ANKFN1: variants seen among roughly 807,000 people sequenced by gnomAD.
The protein encoded by ANKFN1 is ankyrin repeat and fibronectin type III domain containing 1, also known as ankyrin repeat and fibronectin type-III domain-containing protein 1.
Under a neutral mutation model 108.7 loss-of-function variants are expected in ANKFN1, and 74 were observed. That is an observed-to-expected ratio of 0.68 (90% CI 0.56 to 0.83). The LOEUF is 0.83. ANKFN1 is among the 40% of genes least tolerant of loss of function. ANKFN1 has a pLI of 0.00. For missense variants in ANKFN1, 1,505 were observed against 1,382.3 expected (o/e 1.09, Z -1.41); for synonymous variants, 547 against 516.2 (o/e 1.06, Z -0.81).
intron 4 of ANKFN1, among the ~76,000 whole-genome samples, chr17:56,074,313 G>A (rs1473568118): frequency 6.6e-6 from 1 of 152,150 alleles, no homozygotes; most frequent in Non-Finnish European, 1.5e-5. Flanking sequence ...GGGCACCCAC[G>A]GCTCCATTAA....
chr17:56,353,627 C>T lies in ANKFN1; in HGVS notation c.391-209C>T, dbSNP rs1193356443. On this transcript the variant is annotated intron_variant, in intron 5 of 20. Coordinates refer to ENST00000682825, the MANE Select transcript of ANKFN1 (RefSeq NM_001370326.1). ...CAGCCCAGCCAGGCTATCCTGTATT[C>T]TCTCAGTGCACTTATTCAATGTCCA... is the stretch of plus-strand genomic sequence containing the variant. Among the ~76,000 whole-genome samples, 3 of 152,166 alleles carry T rather than the reference C, an allele frequency of 2.0e-5. No homozygotes were observed. In the East Asian group the frequency reaches 5.8e-4, roughly 29 times the overall value.
chr17:56,456,806 G>A (rs991165402), intron 11 of ANKFN1, 55 bp from the exon 12 acceptor site: 1 of 1,412,144 alleles, frequency 7.1e-7, no homozygotes, highest in Non-Finnish European at 1.0e-6. Context: ...AATGGAATTG[G>A]GGGTGTTGAT....
chr17:56,080,525 G>A (rs569140308), intron 4 of ANKFN1, among the ~76,000 whole-genome samples: 2 of 152,280 alleles, frequency 1.3e-5, no homozygotes, highest in African/African-American at 4.8e-5. Flanking sequence ...GTGGCACAAG[G>A]ATGTTGCTAA....
At chr17:56,056,376 C>CAA (rs35100387) in intron 4 of ANKFN1, among the ~76,000 whole-genome samples, 18,039 of 134,908 alleles carry the variant, frequency 0.13, 2,732 homozygotes, top group African/African-American at 0.38. Context: ...CAATTCTAAG[C>CAA]AAAAAAAAAA....
intron 6 of ANKFN1, among the ~76,000 whole-genome samples, chr17:56,365,330 T>C (rs78829040): frequency 0.011 from 1,677 of 152,300 alleles, 25 homozygotes; most frequent in African/African-American, 0.037. Flanking sequence ...CATAGAGTTA[T>C]TTTATAAAAC....
rs531724216 is a variant in ANKFN1, at chr17:56,485,754, A to G, written c.2260+3230A>G. Among the ~76,000 whole-genome samples the G allele has an allele frequency of 2.6e-5, 4 of 152,366 alleles. 1 individual carries two copies. Among genetic ancestry groups the G allele is most frequent in the Middle Eastern group, 3.4e-3 (1 of 294 alleles). ...TTCATGGGACCTATTAATAATCCAT[A>G]GAACATATACTTTGGGATGTGATAG... is the stretch of plus-strand genomic sequence containing the variant. On this transcript the variant is annotated intron_variant, in intron 18 of 20. Coordinates refer to ENST00000682825, the MANE Select transcript of ANKFN1 (RefSeq NM_001370326.1).
intron 4 of ANKFN1, among the ~76,000 whole-genome samples, chr17:56,085,210 T>A (rs1905295865): frequency 6.9e-6 from 1 of 145,290 alleles, no homozygotes. Flanking sequence ...TATATATATC[T>A]CCACATCCTA....
chr17:56,062,576 T>C (rs1262238495), intron 4 of ANKFN1, among the ~76,000 whole-genome samples: 1 of 144,012 alleles, frequency 6.9e-6, no homozygotes, highest in Non-Finnish European at 1.6e-5. Context: ...TTTTTTTTCT[T>C]TCCATTTGCT....
intron 8 of ANKFN1, among the ~76,000 whole-genome samples, chr17:56,400,736 C>G (rs971558625): frequency 2.6e-4 from 39 of 152,124 alleles, no homozygotes; most frequent in African/African-American, 9.2e-4. Context: ...GGTTTAAGTC[C>G]TTAATCCATC....
intron 8 of ANKFN1, among the ~76,000 whole-genome samples, chr17:56,403,264 C>CTAGATAGGTCATAG (rs2047818701): frequency 6.6e-6 from 1 of 152,066 alleles, no homozygotes; most frequent in Non-Finnish European, 1.5e-5. Context: ...GACTTTCTGT[C>CTAGATAGGTCATAG]TTGATGACCT....
At chr17:56,509,080 G>C (rs1177338434) in intron 20 of ANKFN1, among the ~76,000 whole-genome samples, 1 of 152,134 alleles carries the variant, frequency 6.6e-6, no homozygotes, top group Non-Finnish European at 1.5e-5. Context: ...CCTTTTATTG[G>C]TAGCCATTAT....
In ANKFN1 at chr17:56,511,148, G is replaced by T; in HGVS notation, c.3320G>T (p.Trp1107Leu). The change falls in exon 21 of 21, where the codon TGG becomes TTG. Residue 1107 changes from tryptophan (W) to leucine (L), a missense_variant. By Grantham distance (61) the Trp-to-Leu change is moderately conservative (BLOSUM62 -2). Transcript: ENST00000682825. ...GTGGTGGCCCAGGACGAAAAACCATGGGCAAGCTTGAGCCCGCCCTCTGGA... is the reference window on the plus strand; with the variant it reads ...GTGGTGGCCCAGGACGAAAAACCATTGGCAAGCTTGAGCCCGCCCTCTGGA... ...AAVVAQDEKP[W>L]ASLSPPSGGR... 1.3e-6 allele frequency: 2 copies of T among 1,536,046 alleles called. No individual in the cohort carries two copies. Among genetic ancestry groups the T allele is most frequent in the Non-Finnish European group, 1.7e-6 (2 of 1,146,876 alleles).
intron 8 of ANKFN1, among the ~76,000 whole-genome samples, chr17:56,382,832 G>A (rs2047146675): frequency 6.6e-6 from 1 of 152,132 alleles, no homozygotes; most frequent in African/African-American, 2.4e-5. Context: ...CATAAAGCAA[G>A]TCCTGAGTGA....
chr17:56,050,459 T>A (rs1415201747), intron 4 of ANKFN1, among the ~76,000 whole-genome samples: 1 of 128,638 alleles, frequency 7.8e-6, no homozygotes, highest in East Asian at 2.2e-4. Flanking sequence ...GGACATGAAG[T>A]CCTTGCCCAT....
At chr17:56,327,221 G>A (rs1172941525) in intron 4 of ANKFN1, among the ~76,000 whole-genome samples, 1 of 152,130 alleles carries the variant, frequency 6.6e-6, no homozygotes, top group South Asian at 2.1e-4. Flanking sequence ...GATAGAGAAA[G>A]TGAATGTAGA....
chr17:56,446,378 T>A (rs2049287094), intron 10 of ANKFN1, among the ~76,000 whole-genome samples: 1 of 152,198 alleles, frequency 6.6e-6, no homozygotes, highest in African/African-American at 2.4e-5. Context: ...AAACTCCTAA[T>A]GGCCTTTGGG....
At chr17:56,343,715 G>A (rs1367929051) in intron 4 of ANKFN1, among the ~76,000 whole-genome samples, 1 of 151,406 alleles carries the variant, frequency 6.6e-6, no homozygotes, top group African/African-American at 2.4e-5. Flanking sequence ...TTTGTATATT[G>A]GTATACTTGA....
intron 4 of ANKFN1, among the ~76,000 whole-genome samples, chr17:56,131,580 G>C (rs1907286053): frequency 6.6e-6 from 1 of 152,158 alleles, no homozygotes; most frequent in South Asian, 2.1e-4. Context: ...CTGTTCCAAG[G>C]ACATTAATCA....
intron 3 of ANKFN1, among the ~76,000 whole-genome samples, chr17:56,291,268 G>C (rs1225972766): frequency 6.6e-6 from 1 of 152,096 alleles, no homozygotes; most frequent in African/African-American, 2.4e-5. Context: ...TAAATTCCTT[G>C]TCTGGGATGG....
Sources: gnomAD v4.1 joint callset for allele counts (sites outside exome capture counted in the v4.1 genomes callset) on GRCh38, gnomAD v4.1.1 for gene constraint, MANE v1.5 for transcripts, NCBI Gene and HGNC (gene_info 2026-07-23, HGNC 2026-07-21) for gene names.